Variants in PTPRD observed in about 807,000 individuals in gnomAD.
The protein encoded by PTPRD is receptor-type tyrosine-protein phosphatase delta.
PTPRD carries 34 observed loss-of-function variants against 214.5 expected under a neutral mutation model. That is an observed-to-expected ratio of 0.16 (90% CI 0.12 to 0.21). PTPRD has a LOEUF of 0.21. Among genes scored for constraint, PTPRD ranks in the 10% least tolerant of loss-of-function variants. The pLI is 1.00. For synonymous variants in PTPRD, 1,128 were observed against 845.7 expected, an observed-to-expected ratio of 1.33 and a Z score of -5.79; for missense variants, 2,545 against 2,398.7, an observed-to-expected ratio of 1.06 and a Z score of -1.27.
chr9:9,622,336 C>T (rs912219975), intron 7 of PTPRD, among the ~76,000 whole-genome samples: 2 of 152,100 alleles, frequency 1.3e-5, no homozygotes, highest in African/African-American at 2.4e-5. Flanking sequence ...AATTTCAGAA[C>T]TAGACACATT....
At chr9:10,520,199 A>C (rs1036131911) in intron 2 of PTPRD, among the ~76,000 whole-genome samples, 1 of 152,190 alleles carries the variant, frequency 6.6e-6, no homozygotes, top group Non-Finnish European at 1.5e-5. Context: ...TTATTGAAGC[A>C]AAAGTGCTAC....
chr9:9,493,930 C>T (rs114997576), intron 8 of PTPRD, among the ~76,000 whole-genome samples: 3 of 151,594 alleles, frequency 2.0e-5, no homozygotes, highest in Non-Finnish European at 4.4e-5. Context: ...AGATTTTATT[C>T]CAAATGCTAT....
intron 3 of PTPRD, among the ~76,000 whole-genome samples, chr9:10,222,094 T>A (rs757945081): frequency 6.6e-6 from 1 of 152,064 alleles, no homozygotes; most frequent in Non-Finnish European, 1.5e-5. Flanking sequence ...AAATCACAGT[T>A]TGCAAAATTG....
intron 35 of PTPRD, among the ~76,000 whole-genome samples, chr9:8,405,610 T>C (rs1388786011): frequency 1.3e-5 from 2 of 152,186 alleles, no homozygotes; most frequent in Non-Finnish European, 2.9e-5. Context: ...TCTTTCATCA[T>C]AGGCTACTGA....
intron 30 of PTPRD, 149 bp downstream of exon 30, chr9:8,483,970 A>C (rs1460448053): frequency 1.0e-6 from 1 of 999,612 alleles, no homozygotes; most frequent in Non-Finnish European, 1.4e-6. Flanking sequence ...GTTGTAAAAG[A>C]ACTCGGATAG....
chr9:8,949,718 T>A lies in PTPRD; in HGVS notation c.-104+68979A>T, dbSNP rs182092172. ...CTTTATTTAATAATTCAACTGCTACTGAAAATATTTTGTCTATCTAAGTAT... is the reference window on the plus strand; with the variant it reads ...CTTTATTTAATAATTCAACTGCTACAGAAAATATTTTGTCTATCTAAGTAT... On this transcript the variant is annotated intron_variant, in intron 11 of 45. Transcript: ENST00000381196. Among the ~76,000 whole-genome samples the A allele has an allele frequency of 3.9e-5, 6 of 152,314 alleles. No homozygotes were observed. The East Asian group carries it at 1.2e-3, about 29-fold the overall frequency.
At chr9:8,734,375 G>A (rs1283979251) in intron 11 of PTPRD, among the ~76,000 whole-genome samples, 3 of 152,200 alleles carry the variant, frequency 2.0e-5, no homozygotes, top group African/African-American at 7.2e-5. Flanking sequence ...GTCTATTACT[G>A]ACACAATAAT....
chr9:10,353,993 T>C (rs2097225158), intron 2 of PTPRD, among the ~76,000 whole-genome samples: 1 of 152,052 alleles, frequency 6.6e-6, no homozygotes, highest in African/African-American at 2.4e-5. Flanking sequence ...TAAAGAATAA[T>C]ATAGTGAACT....
chr9:10,397,648 A>T (rs1250188034), intron 2 of PTPRD, among the ~76,000 whole-genome samples: 1 of 152,042 alleles, frequency 6.6e-6, no homozygotes, highest in East Asian at 2.0e-4. Context: ...TTTAATACAC[A>T]AATACTTACC....
intron 12 of PTPRD, among the ~76,000 whole-genome samples, chr9:8,658,148 G>A (rs919201084): frequency 3.3e-5 from 5 of 152,142 alleles, no homozygotes; most frequent in Admixed American, 2.6e-4. Context: ...ACCCTAACAT[G>A]TTGCCTAATT....
At chr9:9,554,998 T>C (rs1262894461) in intron 8 of PTPRD, among the ~76,000 whole-genome samples, 2 of 152,076 alleles carry the variant, frequency 1.3e-5, no homozygotes, top group Non-Finnish European at 2.9e-5. Context: ...TGGGTTAGAA[T>C]TTTTATCATT....
At chr9:9,947,990 G>T (rs914196061) in intron 4 of PTPRD, among the ~76,000 whole-genome samples, 44 of 151,814 alleles carry the variant, frequency 2.9e-4, no homozygotes, top group Admixed American at 2.9e-3. Flanking sequence ...TATCCTGGTA[G>T]CAAGATTTTT....
At chr9:8,345,073 T>G (rs1448384717) in intron 39 of PTPRD, among the ~76,000 whole-genome samples, 3 of 150,946 alleles carry the variant, frequency 2.0e-5, no homozygotes, top group Non-Finnish European at 4.4e-5. Flanking sequence ...CTTGCTTTCG[T>G]CTACTCTCTC....
intron 35 of PTPRD, among the ~76,000 whole-genome samples, chr9:8,414,922 AGGGAGG>A (rs2093796883): frequency 1.4e-5 from 1 of 72,390 alleles, no homozygotes; most frequent in Non-Finnish European, 2.6e-5. Flanking sequence ...GGGGAGAGAG[AGGGAGG>A]GGGAGAGAGA....
chr9:8,879,104 C>A (rs1001622087), intron 11 of PTPRD, among the ~76,000 whole-genome samples: 3 of 152,162 alleles, frequency 2.0e-5, no homozygotes, highest in African/African-American at 7.2e-5. Context: ...TTAAACAGTA[C>A]ACCTTTCTGT....
intron 3 of PTPRD, among the ~76,000 whole-genome samples, chr9:10,277,787 C>T (rs922794460): frequency 6.6e-6 from 1 of 152,124 alleles, no homozygotes; most frequent in Non-Finnish European, 1.5e-5. Context: ...TACATGAAAA[C>T]TAAATCCTTC....
intron 8 of PTPRD, among the ~76,000 whole-genome samples, chr9:9,508,094 A>T (rs1026038681): frequency 1.3e-5 from 2 of 151,664 alleles, no homozygotes; most frequent in African/African-American, 4.8e-5. Flanking sequence ...GCAAGTTCAT[A>T]CTTCAGTATT....
intron 10 of PTPRD, among the ~76,000 whole-genome samples, chr9:9,089,762 G>GTTGTTGTT (rs2099772894): frequency 6.6e-6 from 1 of 152,212 alleles, no homozygotes; most frequent in Non-Finnish European, 1.5e-5. Context: ...TGTCAGGGCT[G>GTTGTTGTT]GGGAAAATAG....
intron 4 of PTPRD, among the ~76,000 whole-genome samples, chr9:9,949,960 G>C (rs1040028566): frequency 6.6e-6 from 1 of 152,160 alleles, no homozygotes; most frequent in Non-Finnish European, 1.5e-5. Context: ...CTGTAAGTCA[G>C]TGTGAAATTG....
Sources: allele counts gnomAD v4.1 joint callset (sites outside exome capture counted in the v4.1 genomes callset), GRCh38; gene constraint gnomAD v4.1.1; transcripts MANE v1.5; gene names NCBI Gene and HGNC (gene_info 2026-07-23, HGNC 2026-07-21).